The following TTC6 variants were observed in gnomAD, a reference collection of about 807,000 sequenced individuals.
The protein encoded by TTC6 is tetratricopeptide repeat domain 6.
In TTC6, 172 loss-of-function variants were observed where a neutral mutation model predicts 210.4. That is an observed-to-expected ratio of 0.82 (90% CI 0.72 to 0.93). The LOEUF is 0.93. Among genes scored for constraint, TTC6 ranks in the 40% least tolerant of loss-of-function variants. The pLI is 0.00. For synonymous variants in TTC6, 804 were observed against 819.6 expected (o/e 0.98, Z 0.32); for missense variants, 2,414 against 2,318.1 (o/e 1.04, Z -0.85).
chr14:37,825,862 C>T (rs1476960609), intron 27 of TTC6, among the ~76,000 whole-genome samples: 2 of 152,064 alleles, frequency 1.3e-5, no homozygotes, highest in African/African-American at 4.8e-5. Flanking sequence ...GTGTGTGCAG[C>T]TCAATGCGCA....
chr14:37,618,772 C>A (rs1401228066), upstream of TTC6, among the ~76,000 whole-genome samples: 3 of 152,246 alleles, frequency 2.0e-5, no homozygotes, highest in East Asian at 5.8e-4. Flanking sequence ...ATAGAAAGAG[C>A]AACTTTCCTG....
upstream of TTC6, among the ~76,000 whole-genome samples, chr14:37,619,445 T>C (rs1316531148): frequency 3.3e-5 from 5 of 152,196 alleles, no homozygotes; most frequent in Admixed American, 6.5e-5. Flanking sequence ...CTAAGAAATG[T>C]AGATAAGTGA....
At position 37,748,371 on chromosome 14, in the gene TTC6, T is replaced by C. The variant is rs1009209364; in HGVS notation, c.2364-568T>C. 2.2e-4 allele frequency among the ~76,000 whole-genome samples: 33 copies of C among 152,354 alleles called. No individual in the cohort carries two copies. The East Asian group carries it at 5.6e-3, about 26-fold the overall frequency. On this transcript the variant is annotated intron_variant, in intron 10 of 30. Coordinates refer to ENST00000553443, the Ensembl canonical transcript of TTC6. ...TATGGCTAGTACAGTAGCAGCCCTA[T>C]GGCACATGTTACTCAATGAAGACTA...
At position 37,757,687 on chromosome 14, in the gene TTC6, A is replaced by T. The variant is rs184590872; in HGVS notation, c.3266+4452A>T. On this transcript the variant is annotated intron_variant, in intron 14 of 30. Coordinates refer to ENST00000553443, the Ensembl canonical transcript of TTC6. ...GGTTTTTCATGTCTCTACCTCCTTC[A>T]GTTCTGCTCTGATCTTTTTTATTTC... Among the ~76,000 whole-genome samples the T allele has an allele frequency of 2.2e-3, 331 of 152,180 alleles. 1 individual carries two copies. The highest frequency in any genetic ancestry group is 2.9e-3 in the Non-Finnish European group (200 of 68,000).
chr14:37,816,363 GGGA>G (rs1689290377), intron 25 of TTC6, among the ~76,000 whole-genome samples: 1 of 152,106 alleles, frequency 6.6e-6, no homozygotes, highest in South Asian at 2.1e-4. Context: ...GTTTGTGGAA[GGGA>G]GGAGGAGTGG....
At chr14:37,714,747 G>A in exon 6 of TTC6, 1 of 1,535,616 alleles carries the variant, frequency 6.5e-7, no homozygotes, top group Non-Finnish European at 8.7e-7. Flanking sequence ...TTGGCACAAG[G>A]AACTAGAGAG....
At chr14:37,762,146 G>A (rs1279541825) in intron 14 of TTC6, among the ~76,000 whole-genome samples, 1 of 151,944 alleles carries the variant, frequency 6.6e-6, no homozygotes, top group East Asian at 1.9e-4. Context: ...GTAAGTGGTG[G>A]GATTTCCCTT....
exon 10 of TTC6, chr14:37,738,819 C>A (rs1268089181): frequency 2.0e-6 from 3 of 1,529,438 alleles, no homozygotes. Context: ...AAGATCATAG[C>A]TCCTTTGGAA....
Position 37,625,502 on chromosome 14 carries a change from C to T in TTC6, c.939+2499C>T, listed in dbSNP as rs554008286. On this transcript the variant is annotated intron_variant, in intron 1 of 30. Coordinates refer to ENST00000553443, the Ensembl canonical transcript of TTC6. ...GGCGGAGGTTGCAGTGAGCCTAGATCGCACCATTGGACTCCAGCCTGGGGG... is the reference window on the plus strand; with the variant it reads ...GGCGGAGGTTGCAGTGAGCCTAGATTGCACCATTGGACTCCAGCCTGGGGG... 7.4e-5 allele frequency among the ~76,000 whole-genome samples: 11 copies of T among 149,616 alleles called. No individual in the cohort carries two copies. In the East Asian group the frequency reaches 1.6e-3, roughly 22 times the overall value.
At chr14:37,808,932 A>G (rs560764330) in intron 24 of TTC6, 86 bp downstream of exon 26, 1 of 686,454 alleles carries the variant, frequency 1.5e-6, no homozygotes, top group East Asian at 2.9e-5. Flanking sequence ...CAATCAATAA[A>G]TATTTAATAA....
At chr14:37,781,276 C>T (rs764371628) in intron 14 of TTC6, among the ~76,000 whole-genome samples, 3 of 152,168 alleles carry the variant, frequency 2.0e-5, no homozygotes, top group Non-Finnish European at 4.4e-5. Context: ...TTTTCCACAA[C>T]CTCCCCAGCA....
chr14:37,782,840 G>T (rs1323314315), intron 14 of TTC6, among the ~76,000 whole-genome samples: 2 of 152,150 alleles, frequency 1.3e-5, no homozygotes, highest in East Asian at 3.8e-4. Context: ...AGCATGAAGG[G>T]CTGTTGAATT....
At chr14:37,738,747 T>C in intron 9 of TTC6, 29 bp from the exon 12 acceptor site, 2 of 1,418,094 alleles carry the variant, frequency 1.4e-6, no homozygotes, top group Non-Finnish European at 9.2e-7. Context: ...GATTTTACGT[T>C]TTTTCTACCT....
chr14:37,782,343 A>G (rs1170767012), intron 14 of TTC6, among the ~76,000 whole-genome samples: 8 of 152,128 alleles, frequency 5.3e-5, no homozygotes, highest in African/African-American at 1.9e-4. Context: ...GGTCCTTCAC[A>G]TCCCTTGTAA....
rs1487304834 is a variant in TTC6 at position 37,806,357 on chromosome 14, G to A, written c.4165-4G>A. ...GTTTGCATTTTGACAATATGCTCCT[G>A]TAGGCTTTTGATTCTTTTACAAAAG... On this transcript the variant is annotated splice_polypyrimidine_tract_variant and splice_region_variant and intron_variant, in intron 21 of 30. Coordinates refer to ENST00000553443, the Ensembl canonical transcript of TTC6. 4 of 1,534,784 alleles carry A rather than the reference G, an allele frequency of 2.6e-6. No homozygotes were observed. The highest frequency in any genetic ancestry group is 3.5e-6 in the Non-Finnish European group (4 of 1,146,186).
At chr14:37,630,927 TTTTTTTTTTTTTTTTTTTTTG>T (rs1243324941) in intron 1 of TTC6, among the ~76,000 whole-genome samples, 2 of 103,090 alleles carry the variant, frequency 1.9e-5, no homozygotes, top group African/African-American at 7.0e-5. Flanking sequence ...TTTTTTTTTT[TTTTTTTTTTTTTTTTTTTTTG>T]CTTTCATTTG....
intron 2 of TTC6, among the ~76,000 whole-genome samples, chr14:37,616,146 C>A (rs1198340793): frequency 6.6e-6 from 1 of 152,158 alleles, no homozygotes; most frequent in African/African-American, 2.4e-5. Flanking sequence ...GTTTGTCCTG[C>A]ATATACGTGA....
intron 20 of TTC6, among the ~76,000 whole-genome samples, chr14:37,797,524 G>A (rs2096095450): frequency 2.0e-5 from 3 of 151,486 alleles, no homozygotes; most frequent in African/African-American, 7.3e-5. Flanking sequence ...AGGCATTTAA[G>A]ATATAAATTC....
Position 37,721,084 on chromosome 14 carries a change from GA to G in TTC6, c.1714-3802del, listed in dbSNP as rs71127232. 6.9e-3 allele frequency among the ~76,000 whole-genome samples: 826 copies of G among 120,290 alleles called. 7 individuals carry two copies. Among genetic ancestry groups the G allele is most frequent in the African/African-American group, 0.017 (568 of 34,124 alleles). 78.9% of individuals were successfully genotyped at this position (120,290 alleles called of 152,430 possible). A position where few individuals can be genotyped will look rare whatever the true frequency, so the allele number is the denominator to read the frequency against. ...TAAAGAAATTATGGTCAGTGGAACAGAAAAAAAAAAAAGAAAAATAAGAAAA... is the reference window on the plus strand; with the variant it reads ...TAAAGAAATTATGGTCAGTGGAACAGAAAAAAAAAAAGAAAAATAAGAAAA... On this transcript the variant is annotated intron_variant, in intron 6 of 30. Transcript: ENST00000553443.
Sources: allele counts gnomAD v4.1 joint callset (sites outside exome capture counted in the v4.1 genomes callset), GRCh38; gene constraint gnomAD v4.1.1; transcripts MANE v1.5; gene names NCBI Gene and HGNC (gene_info 2026-07-23, HGNC 2026-07-21).